The following IL21R variants were observed in gnomAD, a reference collection of about 807,000 sequenced individuals.
IL21R encodes the protein interleukin-21 receptor.
A neutral mutation model predicts 41.3 loss-of-function variants in IL21R; 14 were observed. The observed-to-expected ratio is 0.34, with a 90% CI of 0.22 to 0.53. The LOEUF (loss-of-function observed/expected upper bound fraction) is 0.53. Ranked by LOEUF, IL21R falls within the 20% of genes least tolerant of loss-of-function variation. The probability of loss-of-function intolerance (pLI) is 0.94; values close to 1 mark genes in which losing one functional copy is unlikely to be tolerated. For synonymous variants in IL21R, 286 were observed against 287.6 expected (o/e 0.99, Z 0.05); for missense variants, 588 against 681.6 (o/e 0.86, Z 1.53).
At chr16:27,412,904 C>T (rs866347606) in intron 1 of IL21R, among the ~76,000 whole-genome samples, 97 of 152,234 alleles carry the variant, frequency 6.4e-4, no homozygotes, top group Admixed American at 2.9e-3. Flanking sequence ...TATAAAATCA[C>T]GTAATCTGTG....
rs373899024 is a variant in IL21R at position 27,444,724 on chromosome 16, G to T, written c.685+5G>T. 6.7e-7 allele frequency: 1 copy of T among 1,484,242 alleles called. No homozygotes were observed. The highest frequency in any genetic ancestry group is 1.4e-5 in the African/African-American group (1 of 69,906). 91.9% of individuals were successfully genotyped at this position (1,484,242 alleles called of 1,614,324 possible). On this transcript the variant is annotated splice_donor_5th_base_variant and intron_variant, in intron 6 of 8. Transcript: ENST00000337929. Reference sequence around the variant, plus strand: ...TCTTTCAGACCCAGTCAGAGGGTAGGTGTGAAGCTGGGATGGACACCCCAC... The same window carrying T: ...TCTTTCAGACCCAGTCAGAGGGTAGTTGTGAAGCTGGGATGGACACCCCAC...
intron 2 of IL21R, among the ~76,000 whole-genome samples, chr16:27,431,391 C>T (rs764866355): frequency 2.0e-5 from 3 of 152,156 alleles, no homozygotes; most frequent in African/African-American, 4.8e-5. Flanking sequence ...CCACAAGGCG[C>T]ATGTTGTAAT....
chr16:27,434,532 T>C, intron 3 of IL21R, 83 bp downstream of exon 3: 3 of 833,610 alleles, frequency 3.6e-6, no homozygotes, highest in Non-Finnish European at 6.0e-6. Context: ...CACTGTGCAC[T>C]GAGGACCACT....
chr16:27,444,808 G>A, intron 6 of IL21R, 89 bp downstream of exon 6: 1 of 1,209,538 alleles, frequency 8.3e-7, no homozygotes, highest in Non-Finnish European at 1.1e-6. Flanking sequence ...TTCTGGCACA[G>A]CTGGGAGGTA....
chr16:27,418,191 T>TC (rs1448422121), intron 1 of IL21R, among the ~76,000 whole-genome samples: 2 of 151,180 alleles, frequency 1.3e-5, no homozygotes, highest in African/African-American at 4.9e-5. Flanking sequence ...TGCCTCAGCC[T>TC]CCCAAGTAGC....
rs1159429000 is a variant in IL21R at position 27,434,385 on chromosome 16, C to T, written c.88C>T (p.Leu30Phe). The T allele has an allele frequency of 6.2e-7, 1 of 1,613,946 alleles. No individual in the cohort carries two copies. Among genetic ancestry groups the T allele is most frequent in the African/African-American group, 1.3e-5 (1 of 74,940 alleles). ...CGACCTCGTCTGCTACACCGATTAC[C>T]TCCAGACGGTCATCTGCATCCTGGA... ...CPDLVCYTDY[L>F]QTVICILEMW... is the part of the protein sequence containing the mutation. The change falls in exon 3 of 9, where the codon CTC (leucine) becomes TTC (phenylalanine). Residue 30 changes from leucine to phenylalanine, a missense_variant. Coordinates refer to ENST00000337929, the MANE Select transcript of IL21R (RefSeq NM_181078.3).
At chr16:27,403,775 C>T (rs553871033) in intron 1 of IL21R, among the ~76,000 whole-genome samples, 5 of 152,224 alleles carry the variant, frequency 3.3e-5, no homozygotes, top group Admixed American at 1.3e-4. Flanking sequence ...AGAGGGGGAG[C>T]GACACACTCA....
At chr16:27,410,871 T>C (rs1332044927) in intron 1 of IL21R, among the ~76,000 whole-genome samples, 4 of 152,254 alleles carry the variant, frequency 2.6e-5, no homozygotes, top group Non-Finnish European at 5.9e-5. Flanking sequence ...TTTCTGTTTC[T>C]ATGAGATTGA....
At chr16:27,439,783 A>G (rs768412842) in intron 4 of IL21R, among the ~76,000 whole-genome samples, 2 of 152,132 alleles carry the variant, frequency 1.3e-5, no homozygotes, top group Non-Finnish European at 2.9e-5. Context: ...GCCTGGTCCC[A>G]GCTGGGGCAG....
chr16:27,440,726 G>A (rs2087373999), intron 4 of IL21R, among the ~76,000 whole-genome samples: 1 of 152,142 alleles, frequency 6.6e-6, no homozygotes. Flanking sequence ...CAGGGTGAGA[G>A]GTGCAGAGTG....
intron 2 of IL21R, among the ~76,000 whole-genome samples, chr16:27,430,962 T>A (rs1188234383): frequency 6.6e-6 from 1 of 151,836 alleles, no homozygotes; most frequent in Non-Finnish European, 1.5e-5. Context: ...GATGTTGTGG[T>A]TAGAGGGGGT....
intron 1 of IL21R, among the ~76,000 whole-genome samples, chr16:27,409,395 T>G (rs2086794224): frequency 6.6e-6 from 1 of 151,790 alleles, no homozygotes; most frequent in African/African-American, 2.4e-5. Context: ...TTATAAATCT[T>G]TCTTTATGAC....
At position 27,427,830 on chromosome 16, in the gene IL21R, C is replaced by T. The variant is rs542844118; in HGVS notation, c.-16-2226C>T. 2.0e-5 allele frequency among the ~76,000 whole-genome samples: 3 copies of T among 152,258 alleles called. No homozygotes were observed. In the East Asian group the frequency reaches 5.8e-4, roughly 29 times the overall value. On this transcript the variant is annotated intron_variant, in intron 1 of 8. Transcript: ENST00000337929. ...CATCTTCAAAGTGTGATAACAGGAC[C>T]TCTGCAGGGGTTGGAATCACACAGG... is the stretch of plus-strand genomic sequence containing the variant.
intron 3 of IL21R, 87 bp from the exon 4 acceptor site, chr16:27,437,401 G>C (rs958087025): frequency 1.8e-6 from 2 of 1,091,044 alleles, no homozygotes; most frequent in Non-Finnish European, 2.8e-6. Context: ...GAGAGTCTGG[G>C]CTTCTGCCCT....
intron 5 of IL21R, 45 bp downstream of exon 5, chr16:27,443,161 A>C: frequency 6.6e-7 from 1 of 1,520,744 alleles, no homozygotes; most frequent in Non-Finnish European, 8.9e-7. Context: ...AGGGGAGGGG[A>C]GATGACGGAG....
At position 27,407,060 on chromosome 16, in the gene IL21R, G is replaced by T. The variant is rs114324862; in HGVS notation, c.-17+4442G>T. 7.7e-3 allele frequency among the ~76,000 whole-genome samples: 1,173 copies of T among 152,314 alleles called. 10 individuals carry two copies. Among genetic ancestry groups the T allele is most frequent in the African/African-American group, 0.026 (1,090 of 41,554 alleles). On this transcript the variant is annotated intron_variant, in intron 1 of 8. Transcript: ENST00000337929. ...ATGTTGCCTGAGGTGGGTCTGGGGG[G>T]AGTTTCTGGGGACAGTGAGGAAGCT...
At position 27,446,056 on chromosome 16, in the gene IL21R, C is replaced by A; in HGVS notation, c.835C>A (p.Pro279Thr). 2 of 1,613,754 alleles carry A rather than the reference C, an allele frequency of 1.2e-6. No individual in the cohort carries two copies. The highest frequency in any genetic ancestry group is 1.7e-6 in the Non-Finnish European group (2 of 1,179,868). The change falls in exon 8 of 9, where the codon CCC becomes ACC. Residue 279 changes from proline (P) to threonine (T), a missense_variant. Coordinates refer to ENST00000337929, the MANE Select transcript of IL21R (RefSeq NM_181078.3). Reference protein sequence around the residue: ...AVPSPERFFMPLYKGCSGDFK... With the variant: ...AVPSPERFFMTLYKGCSGDFK... ...CCCCAGCCCTGAGCGGTTCTTCATGCCCCTGTACAAGGGCTGCAGCGGAGA... is the reference window on the plus strand; with the variant it reads ...CCCCAGCCCTGAGCGGTTCTTCATGACCCTGTACAAGGGCTGCAGCGGAGA...
intron 4 of IL21R, among the ~76,000 whole-genome samples, chr16:27,440,633 G>T (rs1381412815): frequency 6.6e-6 from 1 of 152,130 alleles, no homozygotes; most frequent in African/African-American, 2.4e-5. Context: ...AGGAGCTGTG[G>T]GCACAGACTG....
At chr16:27,404,785 C>G (rs1448441030) in intron 1 of IL21R, among the ~76,000 whole-genome samples, 1 of 152,158 alleles carries the variant, frequency 6.6e-6, no homozygotes, top group Non-Finnish European at 1.5e-5. Flanking sequence ...CTTGAGGAAG[C>G]CACCTAACCT....
Sources: allele counts gnomAD v4.1 joint callset (sites outside exome capture counted in the v4.1 genomes callset), GRCh38; gene constraint gnomAD v4.1.1; transcripts MANE v1.5; gene names NCBI Gene and HGNC (gene_info 2026-07-23, HGNC 2026-07-21).